The following KCMF1 variants were observed in gnomAD, a reference collection of about 807,000 sequenced individuals.
KCMF1 encodes E3 ubiquitin-protein ligase KCMF1.
In KCMF1, 3 loss-of-function variants were observed where a neutral mutation model predicts 41.1. That is an observed-to-expected ratio of 0.07 (90% CI 0.03 to 0.19). KCMF1 has a LOEUF of 0.19. KCMF1 is among the 10% of genes least tolerant of loss of function. The pLI, the probability that KCMF1 is intolerant of heterozygous loss-of-function variation, is 1.00. For missense variants in KCMF1, 286 were observed against 488.9 expected, an observed-to-expected ratio of 0.58 and a Z score of 3.91; for synonymous variants, 142 against 164.5, an observed-to-expected ratio of 0.86 and a Z score of 1.04.
intron 1 of KCMF1, among the ~76,000 whole-genome samples, chr2:84,978,230 C>T (rs966503244): frequency 2.6e-5 from 4 of 152,128 alleles, no homozygotes; most frequent in African/African-American, 7.2e-5. Flanking sequence ...CTCCCGACCT[C>T]AGGTCATCCA....
At position 84,982,389 on chromosome 2, in the gene KCMF1, CTTTTTTTTTTTTT is replaced by C. The variant is rs34687477; in HGVS notation, c.16+10943_16+10955del. Among the ~76,000 whole-genome samples, 89 of 47,270 alleles carry C rather than the reference CTTTTTTTTTTTTT, an allele frequency of 1.9e-3. 1 individual carries two copies. Among genetic ancestry groups the C allele is most frequent in the African/African-American group, 5.2e-3 (59 of 11,240 alleles). 31.0% of individuals were successfully genotyped at this position (47,270 alleles called of 152,430 possible). A position where few individuals can be genotyped will look rare whatever the true frequency, so the allele number is the denominator to read the frequency against. ...GAGTTACAGATGTGTTCCTTATTTT[CTTTTTTTTTTTTT>C]TTTTTTTTTTTTTTTTTTTTGAGCC... On this transcript the variant is annotated intron_variant, in intron 1 of 6. Coordinates refer to ENST00000409785, the MANE Select transcript of KCMF1 (RefSeq NM_020122.5).
intron 1 of KCMF1, among the ~76,000 whole-genome samples, chr2:85,021,578 C>T (rs888130195): frequency 3.3e-5 from 5 of 151,440 alleles, no homozygotes; most frequent in Non-Finnish European, 5.9e-5. Context: ...GCCAAGATTG[C>T]GCCACTGCAC....
intron 1 of KCMF1, among the ~76,000 whole-genome samples, chr2:84,998,170 C>A (rs1424611035): frequency 6.6e-6 from 1 of 151,330 alleles, no homozygotes; most frequent in Non-Finnish European, 1.5e-5. Flanking sequence ...TGGCTCACTG[C>A]AACCTCTGCC....
chr2:85,008,442 C>T (rs898147140), intron 1 of KCMF1, among the ~76,000 whole-genome samples: 1 of 96,504 alleles, frequency 1.0e-5, no homozygotes, highest in Non-Finnish European at 2.3e-5. Context: ...ATATATACAT[C>T]ATATATCTGA....
In KCMF1 at chr2:85,057,195, T is replaced by C. The variant is rs1675955310; in HGVS notation, c.*3786T>C. ...ACTCTGTCTCAAAAAAAAAAAAAAT[T>C]AAAACACTAGGTACGAAATTATCCC... On this transcript the variant is annotated 3_prime_UTR_variant, in exon 7 of 7. Coordinates refer to ENST00000409785, the MANE Select transcript of KCMF1 (RefSeq NM_020122.5). The C allele has an allele frequency of 6.6e-6, 1 of 151,010 alleles. No individual in the cohort carries two copies. The highest frequency in any genetic ancestry group is 1.5e-5 in the Non-Finnish European group (1 of 67,676). 9.4% of individuals were successfully genotyped at this position (151,010 alleles called of 1,614,324 possible). A position where few individuals can be genotyped will look rare whatever the true frequency, so the allele number is the denominator to read the frequency against.
At chr2:84,987,424 G>T (rs1382133097) in intron 1 of KCMF1, among the ~76,000 whole-genome samples, 1 of 152,160 alleles carries the variant, frequency 6.6e-6, no homozygotes, top group Non-Finnish European at 1.5e-5. Context: ...ATCGTCACAG[G>T]AACAGAAAGA....
intron 1 of KCMF1, among the ~76,000 whole-genome samples, chr2:84,987,840 T>G (rs1456745361): frequency 6.6e-6 from 1 of 152,180 alleles, no homozygotes; most frequent in Non-Finnish European, 1.5e-5. Context: ...AGGAGGACCC[T>G]GCTTGTGTAT....
chr2:85,007,721 A>C (rs1465091100), intron 1 of KCMF1, among the ~76,000 whole-genome samples: 1 of 152,130 alleles, frequency 6.6e-6, no homozygotes, highest in African/African-American at 2.4e-5. Flanking sequence ...ATATTGTGTG[A>C]TTTTATGTAT....
rs973430763 is a variant in KCMF1, at chr2:85,057,010, A to C, written c.*3601A>C. 2.0e-5 allele frequency: 3 copies of C among 152,070 alleles called. No homozygotes were observed. The highest frequency in any genetic ancestry group is 2.9e-5 in the Non-Finnish European group (2 of 68,046). 9.4% of individuals were successfully genotyped at this position (152,070 alleles called of 1,614,324 possible). On this transcript the variant is annotated 3_prime_UTR_variant, in exon 7 of 7. Transcript: ENST00000409785. The stretch of plus-strand genomic sequence containing the variant: ...GCCAGCATAGTGAAACCCCATCTCT[A>C]CTAAAAAATACAAAAAGTTAGCTGG...
intron 1 of KCMF1, among the ~76,000 whole-genome samples, chr2:85,009,435 G>A (rs138666243): frequency 1.1e-4 from 16 of 152,292 alleles, no homozygotes; most frequent in African/African-American, 3.8e-4. Context: ...GGAAATTGGT[G>A]CCAAGAAAGT....
In KCMF1 at chr2:84,971,376, G is replaced by A. The variant is rs1673387886; in HGVS notation, c.-76G>A. ...CGAGTGGGAGTCGGCCGGCCGGCGC[G>A]GGCAGCGCCGGGACCCCGCGGGGGA... is the stretch of plus-strand genomic sequence containing the variant. On this transcript the variant is annotated 5_prime_UTR_variant, in exon 1 of 7. Coordinates refer to ENST00000409785, the MANE Select transcript of KCMF1 (RefSeq NM_020122.5). 1 of 974,366 alleles carries A rather than the reference G, an allele frequency of 1.0e-6. No homozygotes were observed. The allele number at this position is 974,366 out of a possible 1,614,324, so 60.4% of individuals were successfully genotyped here. A position where few individuals can be genotyped will look rare whatever the true frequency, so the allele number is the denominator to read the frequency against.
At chr2:85,002,157 A>G (rs1452840661) in intron 1 of KCMF1, among the ~76,000 whole-genome samples, 2 of 152,198 alleles carry the variant, frequency 1.3e-5, no homozygotes, top group African/African-American at 4.8e-5. Context: ...CCTAGTAGTG[A>G]TGGATCTACT....
chr2:85,051,823 A>G (rs1473145993), intron 6 of KCMF1, among the ~76,000 whole-genome samples: 3 of 152,206 alleles, frequency 2.0e-5, no homozygotes, highest in Admixed American at 6.5e-5. Context: ...TAGAACTTCA[A>G]ATATATTAAC....
At chr2:85,036,753 C>A (rs376411536) in intron 3 of KCMF1, among the ~76,000 whole-genome samples, 6 of 151,250 alleles carry the variant, frequency 4.0e-5, no homozygotes, top group African/African-American at 1.5e-4. Context: ...GATTGTGCCA[C>A]TGCATTGCAC....
intron 1 of KCMF1, among the ~76,000 whole-genome samples, chr2:85,003,199 C>A (rs575041137): frequency 2.6e-5 from 4 of 152,100 alleles, no homozygotes; most frequent in African/African-American, 9.7e-5. Context: ...GTTGGCCGGG[C>A]GCGGTGGCTC....
chr2:84,998,038 G>A (rs1674219021), intron 1 of KCMF1, among the ~76,000 whole-genome samples: 1 of 151,834 alleles, frequency 6.6e-6, no homozygotes. Context: ...CTCCCATAGT[G>A]CTGGGATTAC....
rs140078088 is a variant in KCMF1, at chr2:85,029,212, C to T, written c.184+1156C>T. ...GTCTTGACCTCAAGTTATCCACCTGCCTTCGCCTCCCAAAGTGCTGGGATT... is the reference window on the plus strand; with the variant it reads ...GTCTTGACCTCAAGTTATCCACCTGTCTTCGCCTCCCAAAGTGCTGGGATT... On this transcript the variant is annotated intron_variant, in intron 2 of 6. Coordinates refer to ENST00000409785, the MANE Select transcript of KCMF1 (RefSeq NM_020122.5). 5.5e-4 allele frequency among the ~76,000 whole-genome samples: 84 copies of T among 151,958 alleles called. No individual in the cohort carries two copies. In the East Asian group the frequency reaches 0.015, roughly 28 times the overall value.
At chr2:85,003,932 A>G (rs1674400168) in intron 1 of KCMF1, among the ~76,000 whole-genome samples, 1 of 151,892 alleles carries the variant, frequency 6.6e-6, no homozygotes, top group South Asian at 2.1e-4. Flanking sequence ...CTGAGGGGGG[A>G]CATTTTTCCA....
chr2:85,008,321 C>CATATATAACATATAATATGATATATA (rs1674542533), intron 1 of KCMF1, among the ~76,000 whole-genome samples: 1 of 43,950 alleles, frequency 2.3e-5, no homozygotes, highest in Admixed American at 2.3e-4. Context: ...ATATATATAT[C>CATATATAACATATAATATGATATATA]ATATATAATA....
Sources: gnomAD v4.1 joint callset for allele counts (sites outside exome capture counted in the v4.1 genomes callset) on GRCh38, gnomAD v4.1.1 for gene constraint, MANE v1.5 for transcripts, NCBI Gene and HGNC (gene_info 2026-07-23, HGNC 2026-07-21) for gene names.